Variants in VDAC1 observed in about 807,000 individuals in gnomAD.
VDAC1 encodes the protein non-selective voltage-gated ion channel VDAC1.
In VDAC1, 10 loss-of-function variants were observed where a neutral mutation model predicts 34.7. The observed-to-expected ratio is 0.29, with a 90% CI of 0.18 to 0.49. The LOEUF is 0.49. VDAC1 is among the 20% of genes least tolerant of loss of function. The probability of loss-of-function intolerance (pLI) is 0.99; values close to 1 mark genes in which losing one functional copy is unlikely to be tolerated. For synonymous variants in VDAC1, 130 were observed against 136.0 expected, an observed-to-expected ratio of 0.96 and a Z score of 0.30; for missense variants, 230 against 347.9, an observed-to-expected ratio of 0.66 and a Z score of 2.69.
the VDAC1 span, among the ~76,000 whole-genome samples, chr5:134,102,168 G>A: frequency 6.6e-6 from 1 of 152,114 alleles, no homozygotes; most frequent in South Asian, 2.1e-4. Context: ...CAGCCACCAG[G>A]GGGGGTCTGT....
the VDAC1 span, among the ~76,000 whole-genome samples, chr5:134,108,374 C>G: frequency 6.6e-6 from 1 of 152,178 alleles, no homozygotes; most frequent in African/African-American, 2.4e-5. Flanking sequence ...ATGAAGGTGC[C>G]ATGATCCCAA....
chr5:134,108,007 GA>G, the VDAC1 span, among the ~76,000 whole-genome samples: 1 of 152,190 alleles, frequency 6.6e-6, no homozygotes, highest in Non-Finnish European at 1.5e-5. Context: ...AGAGGGACAG[GA>G]GACTCACTCA....
intron 5 of VDAC1, among the ~76,000 whole-genome samples, chr5:133,982,837 C>T (rs572641864): frequency 1.4e-3 from 206 of 149,692 alleles, no homozygotes; most frequent in Middle Eastern, 3.6e-3. Flanking sequence ...TTGCAGTGAG[C>T]CAAGACCGCG....
the VDAC1 span, among the ~76,000 whole-genome samples, chr5:134,039,598 G>T: frequency 6.6e-6 from 1 of 152,182 alleles, no homozygotes; most frequent in Non-Finnish European, 1.5e-5. Context: ...CAAAGTGCTG[G>T]GATTACAGGC....
the VDAC1 span, among the ~76,000 whole-genome samples, chr5:134,075,664 A>C: frequency 6.6e-6 from 1 of 151,828 alleles, no homozygotes; most frequent in Non-Finnish European, 1.5e-5. Flanking sequence ...GCTCACTGCA[A>C]CCTCCACCTC....
chr5:134,065,715 T>A, the VDAC1 span, among the ~76,000 whole-genome samples: 1 of 152,080 alleles, frequency 6.6e-6, no homozygotes, highest in African/African-American at 2.4e-5. Context: ...TTCTTTGATA[T>A]TTGTTAAAAT....
the VDAC1 span, among the ~76,000 whole-genome samples, chr5:134,022,495 C>T: frequency 1.3e-5 from 2 of 152,268 alleles, no homozygotes; most frequent in African/African-American, 4.8e-5. Flanking sequence ...AGGAGGCCAA[C>T]CCATTTCCCA....
chr5:134,057,714 C>G, the VDAC1 span, among the ~76,000 whole-genome samples: 2 of 151,216 alleles, frequency 1.3e-5, no homozygotes, highest in African/African-American at 2.4e-5. Flanking sequence ...GGATATGTGT[C>G]TTTTGAATTT....
the VDAC1 span, among the ~76,000 whole-genome samples, chr5:134,112,835 C>T: frequency 6.6e-6 from 1 of 152,278 alleles, no homozygotes; most frequent in African/African-American, 2.4e-5. Context: ...TGACTTTTCT[C>T]CTTTCTCCAA....
the VDAC1 span, among the ~76,000 whole-genome samples, chr5:134,087,531 C>T: frequency 6.6e-6 from 1 of 152,304 alleles, no homozygotes; most frequent in African/African-American, 2.4e-5. Flanking sequence ...AGGCAGTACT[C>T]GCCTTCATGT....
At chr5:133,975,366 C>G (rs945919476) in intron 7 of VDAC1, among the ~76,000 whole-genome samples, 1 of 152,076 alleles carries the variant, frequency 6.6e-6, no homozygotes, top group Non-Finnish European at 1.5e-5. Flanking sequence ...TGCCTGGTAC[C>G]CATAAGAAGT....
At chr5:134,008,861 T>G (rs1228067758), upstream of VDAC1, among the ~76,000 whole-genome samples, 23 of 152,188 alleles carry the variant, frequency 1.5e-4, no homozygotes. Context: ...TTCCAATCAT[T>G]TTCCAGTGAA....
chr5:134,004,198 G>T (rs367631129), intron 1 of VDAC1, among the ~76,000 whole-genome samples: 1 of 152,084 alleles, frequency 6.6e-6, no homozygotes, highest in African/African-American at 2.4e-5. Flanking sequence ...CCCCGAGGCG[G>T]CAGCGTGGCC....
chr5:134,034,696 GAC>G, the VDAC1 span, among the ~76,000 whole-genome samples: 16 of 152,136 alleles, frequency 1.1e-4, no homozygotes, highest in African/African-American at 3.6e-4. Context: ...GCGGCCCTGG[GAC>G]ACTAATGCAA....
chr5:134,029,090 C>G, the VDAC1 span, among the ~76,000 whole-genome samples: 1 of 152,134 alleles, frequency 6.6e-6, no homozygotes, highest in Admixed American at 6.5e-5. Flanking sequence ...CTGAAAGTCC[C>G]ACATCCTAGG....
the VDAC1 span, among the ~76,000 whole-genome samples, chr5:134,016,345 G>A: frequency 2.0e-5 from 3 of 152,148 alleles, no homozygotes; most frequent in Non-Finnish European, 4.4e-5. Flanking sequence ...GCCTGGGGCT[G>A]GAATCCTACC....
chr5:133,999,109 G>A (rs1463065028), intron 1 of VDAC1, among the ~76,000 whole-genome samples: 1 of 152,256 alleles, frequency 6.6e-6, no homozygotes, highest in South Asian at 2.1e-4. Context: ...GCAGGAGTTC[G>A]AGACCAGCCT....
At chr5:134,080,396 G>A in the VDAC1 span, among the ~76,000 whole-genome samples, 10 of 152,346 alleles carry the variant, frequency 6.6e-5, no homozygotes, top group African/African-American at 1.9e-4. Context: ...TGAACTCCCT[G>A]TGGGACCTGG....
At chr5:133,977,731 G>A (rs1474992136) in intron 6 of VDAC1, among the ~76,000 whole-genome samples, 1 of 152,156 alleles carries the variant, frequency 6.6e-6, no homozygotes, top group Non-Finnish European at 1.5e-5. Context: ...CTTCTCCATG[G>A]AGGGAACCAC....
Sources: gnomAD v4.1 joint callset for allele counts (sites outside exome capture counted in the v4.1 genomes callset) on GRCh38, gnomAD v4.1.1 for gene constraint, MANE v1.5 for transcripts, NCBI Gene and HGNC (gene_info 2026-07-23, HGNC 2026-07-21) for gene names.